NXPE2: variants seen among roughly 807,000 people sequenced by gnomAD.
NXPE2 encodes NXPE family member 2.
In NXPE2, 34 loss-of-function variants were observed where a neutral mutation model predicts 34.4. That is an observed-to-expected ratio of 0.99 (90% CI 0.75 to 1.31). The LOEUF is 1.31. NXPE2 is among the 40% of genes most tolerant of loss of function. The pLI, the probability that NXPE2 is intolerant of heterozygous loss-of-function variation, is 0.00. For missense variants in NXPE2, 649 were observed against 672.5 expected (o/e 0.97, Z 0.39); for synonymous variants, 235 against 231.3 (o/e 1.02, Z -0.15).
At chr11:114,703,448 C>A (rs542109735) in intron 3 of NXPE2, among the ~76,000 whole-genome samples, 1 of 152,198 alleles carries the variant, frequency 6.6e-6, no homozygotes, top group African/African-American at 2.4e-5. Context: ...GAGAATTTAC[C>A]CCATAACTGT....
the NXPE2 span, among the ~76,000 whole-genome samples, chr11:114,731,294 G>A: frequency 6.6e-6 from 1 of 152,208 alleles, no homozygotes; most frequent in Admixed American, 6.5e-5. Context: ...AAAAATGTAT[G>A]TTCTGGAAAA....
At chr11:114,553,939 G>T in the NXPE2 span, 1 of 985,054 alleles carries the variant, frequency 1.0e-6, no homozygotes, top group Non-Finnish European at 1.2e-6. Context: ...TTGTTTTCTG[G>T]GAGAGCAGGT....
the NXPE2 span, among the ~76,000 whole-genome samples, chr11:114,469,498 CT>C: frequency 6.6e-6 from 1 of 150,880 alleles, no homozygotes; most frequent in Non-Finnish European, 1.5e-5. Context: ...AAATTTCATA[CT>C]TTTTTTTTGA....
chr11:114,533,668 C>T, the NXPE2 span, among the ~76,000 whole-genome samples: 1 of 152,240 alleles, frequency 6.6e-6, no homozygotes, highest in Non-Finnish European at 1.5e-5. Context: ...GGTCCTACGC[C>T]CACGGAGCCT....
At chr11:114,764,698 A>G in the NXPE2 span, among the ~76,000 whole-genome samples, 4 of 152,138 alleles carry the variant, frequency 2.6e-5, no homozygotes, top group Admixed American at 2.0e-4. Context: ...CCTCCCTTCT[A>G]TACTAACCTC....
chr11:114,521,968 T>C, the NXPE2 span: 17 of 1,604,600 alleles, frequency 1.1e-5, no homozygotes, highest in African/African-American at 2.3e-4. Context: ...TATTTATCCC[T>C]TAGCAAATGT....
chr11:114,577,127 T>TTA, the NXPE2 span, among the ~76,000 whole-genome samples: 39 of 138,510 alleles, frequency 2.8e-4, no homozygotes, highest in Non-Finnish European at 5.1e-4. Flanking sequence ...ATATATAAAG[T>TTA]TATATATATA....
the NXPE2 span, among the ~76,000 whole-genome samples, chr11:114,564,096 A>G: frequency 6.6e-6 from 1 of 152,336 alleles, no homozygotes; most frequent in South Asian, 2.1e-4. Flanking sequence ...AATGTGGTAT[A>G]TATATATCAT....
At chr11:114,693,512 T>A (rs1319423463) in intron 2 of NXPE2, among the ~76,000 whole-genome samples, 1 of 152,152 alleles carries the variant, frequency 6.6e-6, no homozygotes, top group Non-Finnish European at 1.5e-5. Flanking sequence ...TTCACACACA[T>A]AAAACAGATT....
the NXPE2 span, among the ~76,000 whole-genome samples, chr11:114,477,114 G>A: frequency 6.6e-6 from 1 of 152,136 alleles, no homozygotes; most frequent in African/African-American, 2.4e-5. Flanking sequence ...ATACAATGGA[G>A]TGCTGTTTAG....
chr11:114,497,428 T>C, the NXPE2 span, among the ~76,000 whole-genome samples: 3 of 152,312 alleles, frequency 2.0e-5, no homozygotes, highest in Admixed American at 6.5e-5. Flanking sequence ...CAAGCTCCAT[T>C]TATGGTAAGT....
intron 5 of NXPE2, 100 bp from the exon 6 acceptor site, chr11:114,706,295 T>G: frequency 9.8e-7 from 1 of 1,024,540 alleles, no homozygotes; most frequent in South Asian, 1.8e-5. Flanking sequence ...TAGTGCTTAG[T>G]TAGAAGTGAT....
chr11:114,513,618 A>G, the NXPE2 span, among the ~76,000 whole-genome samples: 2 of 152,244 alleles, frequency 1.3e-5, no homozygotes, highest in African/African-American at 2.4e-5. Flanking sequence ...AGTTTTGAGT[A>G]AATCACATGA....
the NXPE2 span, among the ~76,000 whole-genome samples, chr11:114,609,394 T>C: frequency 6.6e-6 from 1 of 152,002 alleles, no homozygotes; most frequent in East Asian, 1.9e-4. Context: ...AAGTATTGCA[T>C]CGCTGGTAAC....
the NXPE2 span, among the ~76,000 whole-genome samples, chr11:114,641,788 C>T: frequency 8.0e-3 from 1,222 of 151,962 alleles, 10 homozygotes; most frequent in Non-Finnish European, 0.012. Context: ...AATACAGAAG[C>T]GATTAATTTT....
the NXPE2 span, among the ~76,000 whole-genome samples, chr11:114,614,499 G>T: frequency 6.6e-6 from 1 of 151,118 alleles, no homozygotes; most frequent in Non-Finnish European, 1.5e-5. Flanking sequence ...ACAGTTACCC[G>T]GTGGATAATA....
At chr11:114,514,473 T>C in the NXPE2 span, among the ~76,000 whole-genome samples, 6 of 152,138 alleles carry the variant, frequency 3.9e-5, no homozygotes, top group South Asian at 1.2e-3. Flanking sequence ...CACTGCAGCC[T>C]CCATCTCCTG....
the NXPE2 span, among the ~76,000 whole-genome samples, chr11:114,499,035 T>G: frequency 6.6e-6 from 1 of 152,126 alleles, no homozygotes; most frequent in Non-Finnish European, 1.5e-5. Flanking sequence ...TTGGAGTTAT[T>G]TCTTAGGCAA....
intron 2 of NXPE2, among the ~76,000 whole-genome samples, chr11:114,683,730 A>G (rs779990939): frequency 1.3e-5 from 2 of 152,222 alleles, no homozygotes; most frequent in Non-Finnish European, 2.9e-5. Context: ...TGCCTAGAAC[A>G]GTCTCTGGTA....
Sources: allele counts gnomAD v4.1 joint callset (sites outside exome capture counted in the v4.1 genomes callset), GRCh38; gene constraint gnomAD v4.1.1; transcripts MANE v1.5; gene names NCBI Gene and HGNC (gene_info 2026-07-23, HGNC 2026-07-21).